BPTF: variants seen among roughly 807,000 people sequenced by gnomAD.
BPTF encodes the protein nucleosome-remodeling factor subunit BPTF.
A neutral mutation model predicts 292.5 loss-of-function variants in BPTF; 18 were observed. That is an observed-to-expected ratio of 0.06 (90% CI 0.04 to 0.09). BPTF has a LOEUF of 0.09. BPTF is among the 10% of genes least tolerant of loss of function. The pLI, the probability that BPTF is intolerant of heterozygous loss-of-function variation, is 1.00. For synonymous variants in BPTF, 1,225 were observed against 1,251.9 expected, an observed-to-expected ratio of 0.98 and a Z score of 0.45; for missense variants, 2,726 against 3,498.7, an observed-to-expected ratio of 0.78 and a Z score of 5.57.
intron 4 of BPTF, among the ~76,000 whole-genome samples, chr17:67,886,872 C>T (rs889913433): frequency 6.6e-6 from 1 of 152,078 alleles, no homozygotes; most frequent in African/African-American, 2.4e-5. Context: ...CATAATTCAT[C>T]TACTATTTCT....
intron 1 of BPTF, among the ~76,000 whole-genome samples, chr17:67,842,261 A>T (rs532360090): frequency 3.3e-5 from 5 of 152,200 alleles, no homozygotes; most frequent in Non-Finnish European, 7.3e-5. Flanking sequence ...ATATCTACAT[A>T]CATATACAAT....
chr17:67,844,800 A>G (rs1359017077), intron 1 of BPTF, among the ~76,000 whole-genome samples: 3 of 151,426 alleles, frequency 2.0e-5, no homozygotes, highest in African/African-American at 7.3e-5. Flanking sequence ...CTGGAGTGCA[A>G]TGGCATGATC....
chr17:67,976,129 T>C (rs901136272), intron 27 of BPTF, 171 bp downstream of exon 27: 2 of 501,742 alleles, frequency 4.0e-6, no homozygotes, highest in African/African-American at 4.0e-5. Context: ...CAAGGAGAAG[T>C]GGACAAATTG....
Position 67,909,595 on chromosome 17 carries a change from G to T in BPTF, c.2826G>T (p.Met942Ile). 6.4e-7 allele frequency: 1 copy of T among 1,551,778 alleles called. No homozygotes were observed. Among genetic ancestry groups the T allele is most frequent in the South Asian group, 1.3e-5 (1 of 77,844 alleles). The change falls in exon 10 of 28, where the codon ATG (methionine) becomes ATT (isoleucine). Residue 942 changes from methionine (M) to isoleucine (I), a missense_variant. Met to Ile is a conservative substitution (Grantham distance 10). This residue lies in a region of BPTF where 713 missense variants were observed against 714.9 expected (regional missense o/e 1.00). Transcript: ENST00000306378. ...RKSLEGTKNN[M>I]DENMDESDKR... is the part of the protein sequence containing the mutation. The stretch of plus-strand genomic sequence containing the variant: ...GGTTCTTTTTAGCCAAAAATAATAT[G>T]GATGAAAATATGGATGAGTCAGATA...
At chr17:67,954,128 G>A (rs1285198451) in intron 23 of BPTF, among the ~76,000 whole-genome samples, 4 of 5,070 alleles carry the variant, frequency 7.9e-4, no homozygotes, top group African/African-American at 8.1e-4. Context: ...CTGGGACTAC[G>A]GGTACGGGCG....
At chr17:67,909,832 GA>G in intron 10 of BPTF, 71 bp downstream of exon 10, 1 of 1,283,078 alleles carries the variant, frequency 7.8e-7, no homozygotes, top group Non-Finnish European at 1.0e-6. Flanking sequence ...CCCACCACAG[GA>G]AAGGTACTGC....
chr17:67,832,196 T>A (rs184007205), intron 1 of BPTF, among the ~76,000 whole-genome samples: 2 of 152,110 alleles, frequency 1.3e-5, no homozygotes, highest in African/African-American at 4.8e-5. Flanking sequence ...CCTCTAATTT[T>A]TTTCATGCTT....
chr17:67,904,672 G>A, intron 8 of BPTF, 30 bp from the exon 9 acceptor site: 2 of 1,543,890 alleles, frequency 1.3e-6, no homozygotes, highest in East Asian at 2.3e-5. Context: ...TATTCTTATT[G>A]TTTAATCAAA....
In BPTF at chr17:67,929,010, C is replaced by T. The variant is rs547266766; in HGVS notation, c.5999-326C>T. ...ACAACCATTGCCAGCACAGGTCAGACGTTCCAAATTACAGGCAATCCAGTC... is the reference window on the plus strand; with the variant it reads ...ACAACCATTGCCAGCACAGGTCAGATGTTCCAAATTACAGGCAATCCAGTC... On this transcript the variant is annotated intron_variant, in intron 16 of 27. Transcript: ENST00000306378. 366 of 1,205,570 alleles carry T rather than the reference C, an allele frequency of 3.0e-4. 2 individuals are homozygous for T. The South Asian group carries it at 3.8e-3, about 12-fold the overall frequency. The allele number at this position is 1,205,570 out of a possible 1,614,324, so 74.7% of individuals were successfully genotyped here.
chr17:67,854,631 A>G lies in BPTF; in HGVS notation c.1305A>G (p.Val435=), dbSNP rs1462891191. The G allele has an allele frequency of 1.9e-5, 30 of 1,614,108 alleles. No homozygotes were observed. Among genetic ancestry groups the G allele is most frequent in the Non-Finnish European group, 2.5e-5 (29 of 1,180,042 alleles). Residue 435 remains valine (V), a synonymous_variant, in exon 2 of 28, where the codon GTA becomes GTG. Transcript: ENST00000306378. This position sits in a 1 kb window ranked among gnomAD's most constrained non-coding sequence, Gnocchi z 5.6. ...PEDEWQCEVC[V]AHKVPGVTDC... ...ACGAGTGGCAGTGTGAAGTCTGTGTAGCACACAAGGTGCCTGGTGTGACTG... is the reference window on the plus strand; with the variant it reads ...ACGAGTGGCAGTGTGAAGTCTGTGTGGCACACAAGGTGCCTGGTGTGACTG...
chr17:67,934,523 A>C (rs1401444088), intron 18 of BPTF, among the ~76,000 whole-genome samples: 2 of 151,908 alleles, frequency 1.3e-5, no homozygotes, highest in Non-Finnish European at 2.9e-5. Flanking sequence ...CTGTCTCAAA[A>C]AAAAAAAGAA....
chr17:67,946,358 T>C, intron 21 of BPTF, 33 bp downstream of exon 21: 3 of 1,602,186 alleles, frequency 1.9e-6, no homozygotes, highest in Non-Finnish European at 2.6e-6. Context: ...GCATGTTCAG[T>C]AGCTTGAATT....
intron 22 of BPTF, 123 bp from the exon 23 acceptor site, chr17:67,947,958 C>G: frequency 8.0e-7 from 1 of 1,251,918 alleles, no homozygotes; most frequent in East Asian, 2.3e-5. Context: ...TGGTTTGAAC[C>G]ACTCTTGACG....
At chr17:67,950,285 A>G (rs1252019770) in intron 23 of BPTF, among the ~76,000 whole-genome samples, 1 of 151,696 alleles carries the variant, frequency 6.6e-6, no homozygotes, top group Non-Finnish European at 1.5e-5. Flanking sequence ...AAAAAAGAAG[A>G]TGAGAAATAG....
chr17:67,963,527 C>G, intron 24 of BPTF: 1 of 1,390,488 alleles, frequency 7.2e-7, no homozygotes, highest in South Asian at 1.7e-5. Context: ...ATAAGAGCAT[C>G]ATATTTAATA....
chr17:67,865,183 CTT>C (rs978639582), intron 2 of BPTF, among the ~76,000 whole-genome samples: 4 of 152,164 alleles, frequency 2.6e-5, no homozygotes, highest in Non-Finnish European at 5.9e-5. Flanking sequence ...CACTCAAAAA[CTT>C]TTGGATCTTG....
At chr17:67,889,420 C>T (rs2060959204) in intron 4 of BPTF, among the ~76,000 whole-genome samples, 1 of 152,064 alleles carries the variant, frequency 6.6e-6, no homozygotes, top group Non-Finnish European at 1.5e-5. Context: ...GAAATCTGAC[C>T]CAGACCAAAT....
At chr17:67,880,980 C>CAT (rs57870932) in intron 4 of BPTF, among the ~76,000 whole-genome samples, 1 of 139,394 alleles carries the variant, frequency 7.2e-6, no homozygotes, top group African/African-American at 2.5e-5. Context: ...CACACACACA[C>CAT]GTATATATAT....
Position 67,826,123 on chromosome 17 carries a change from G to C in BPTF, c.399G>C (p.Glu133Asp). The C allele has an allele frequency of 7.0e-7, 1 of 1,426,092 alleles. No individual in the cohort carries two copies. Among genetic ancestry groups the C allele is most frequent in the Non-Finnish European group, 9.8e-7 (1 of 1,016,386 alleles). 88.3% of individuals were successfully genotyped at this position (1,426,092 alleles called of 1,614,324 possible). A position where few individuals can be genotyped will look rare whatever the true frequency, so the allele number is the denominator to read the frequency against. Residue 133 changes from glutamate (E) to aspartate (D), a missense_variant, in exon 1 of 28, where the codon GAG becomes GAC. By Grantham distance (45) the Glu-to-Asp change is conservative. Coordinates refer to ENST00000306378, the MANE Select transcript of BPTF (RefSeq NM_182641.4). ...KVVYDDHESE[E>D]EEEEEDMVSE... is the part of the protein sequence containing the mutation. ...TGTACGATGACCACGAGAGCGAGGA[G>C]GAGGAGGAAGAGGAGGACATGGTCT...
Sources: gnomAD v4.1 joint callset for allele counts (sites outside exome capture counted in the v4.1 genomes callset) on GRCh38, gnomAD v4.1.1 for gene constraint, gnomAD v4.1.1 regional missense constraint, Gnocchi (gnomAD v3.1) non-coding constraint, MANE v1.5 for transcripts, NCBI Gene and HGNC (gene_info 2026-07-23, HGNC 2026-07-21) for gene names.